The following SLC12A1 variants were observed in gnomAD, a reference collection of about 807,000 sequenced individuals.
The protein encoded by SLC12A1 is solute carrier family 12 member 1, also known as Na-K-2Cl cotransporter.
Under a neutral mutation model 130.4 loss-of-function variants are expected in SLC12A1, and 89 were observed. The observed-to-expected ratio is 0.68, with a 90% CI of 0.58 to 0.81. The LOEUF (loss-of-function observed/expected upper bound fraction) is 0.81. Among genes scored for constraint, SLC12A1 ranks in the 40% least tolerant of loss-of-function variants. The probability of loss-of-function intolerance (pLI) is 0.00; values close to 1 mark genes in which losing one functional copy is unlikely to be tolerated. For synonymous variants in SLC12A1, 499 were observed against 460.0 expected (o/e 1.08, Z -1.09); for missense variants, 1,310 against 1,336.4 (o/e 0.98, Z 0.31).
chr15:48,278,887 C>T (rs1425788236), intron 20 of SLC12A1, among the ~76,000 whole-genome samples: 3 of 152,168 alleles, frequency 2.0e-5, no homozygotes, highest in Non-Finnish European at 2.9e-5. Flanking sequence ...TAAAGCAATA[C>T]AGCAACCAAG....
At chr15:48,298,364 T>G (rs1367831088) in intron 24 of SLC12A1, among the ~76,000 whole-genome samples, 1 of 152,242 alleles carries the variant, frequency 6.6e-6, no homozygotes, top group Admixed American at 6.5e-5. Flanking sequence ...TTCTTATAAG[T>G]AATTTTTAAA....
intron 17 of SLC12A1, 141 bp from the exon 18 acceptor site, chr15:48,267,420 C>T (rs576613735): frequency 2.3e-6 from 2 of 855,366 alleles, no homozygotes; most frequent in African/African-American, 1.7e-5. Flanking sequence ...ATCTGTGGAA[C>T]CCTGTTCAGT....
At chr15:48,278,415 C>T (rs1427538708) in intron 20 of SLC12A1, among the ~76,000 whole-genome samples, 1 of 152,202 alleles carries the variant, frequency 6.6e-6, no homozygotes, top group Non-Finnish European at 1.5e-5. Flanking sequence ...GTCATTGGTA[C>T]AGCTGGGATT....
intron 9 of SLC12A1, chr15:48,237,010 A>G (rs1264608787): frequency 2.0e-5 from 14 of 702,536 alleles, no homozygotes; most frequent in Non-Finnish European, 5.2e-6. Context: ...AAGGAGCTTC[A>G]CCTCTCCCTC....
At chr15:48,301,649 T>A (rs2042235104) in intron 26 of SLC12A1, among the ~76,000 whole-genome samples, 1 of 151,974 alleles carries the variant, frequency 6.6e-6, no homozygotes, top group South Asian at 2.1e-4. Context: ...GCCCATCTAG[T>A]AAGACCATGC....
At chr15:48,258,637 C>A (rs555215419) in intron 16 of SLC12A1, among the ~76,000 whole-genome samples, 1 of 152,334 alleles carries the variant, frequency 6.6e-6, no homozygotes, top group East Asian at 1.9e-4. Flanking sequence ...CCTGTTATAT[C>A]CAGTTCCAAA....
intron 19 of SLC12A1, among the ~76,000 whole-genome samples, chr15:48,270,998 T>G (rs895873772): frequency 6.7e-6 from 1 of 149,376 alleles, no homozygotes; most frequent in Non-Finnish European, 1.5e-5. Flanking sequence ...CCGAGGCGGG[T>G]GGATTACCTG....
chr15:48,246,673 C>T (rs2041584553), intron 11 of SLC12A1, among the ~76,000 whole-genome samples: 1 of 151,992 alleles, frequency 6.6e-6, no homozygotes, highest in Non-Finnish European at 1.5e-5. Context: ...CCCAGCTACT[C>T]GGTAGGCTAA....
chr15:48,229,162 G>A (rs1218271561), intron 5 of SLC12A1, 27 bp from the exon 6 acceptor site: 2 of 1,571,790 alleles, frequency 1.3e-6, no homozygotes, highest in East Asian at 2.3e-5. Flanking sequence ...GTTCCTCAAT[G>A]TGAAGTATGT....
Position 48,247,026 on chromosome 15 carries a change from G to C in SLC12A1, c.1560+10G>C. ...ACCCAAAGTGTTCCAGGTAATACAA[G>C]CACAACAGCTTGTGCTTCTCCCTAT... is the stretch of plus-strand genomic sequence containing the variant. On this transcript the variant is annotated intron_variant, in intron 12 of 26. Coordinates refer to ENST00000380993, the MANE Select transcript of SLC12A1 (RefSeq NM_000338.3). The C allele has an allele frequency of 6.3e-7, 1 of 1,590,126 alleles. No individual in the cohort carries two copies. The highest frequency in any genetic ancestry group is 8.6e-7 in the Non-Finnish European group (1 of 1,158,148).
At chr15:48,222,601 T>G (rs2041230057) in intron 4 of SLC12A1, 2 of 152,136 alleles carry the variant, frequency 1.3e-5, no homozygotes, top group South Asian at 4.1e-4. Flanking sequence ...TCTTTTCGTT[T>G]CTTTTCTTTT....
rs749293268 is a variant in SLC12A1, at chr15:48,299,181, A to G, written c.3002A>G (p.His1001Arg). 8.1e-6 allele frequency: 13 copies of G among 1,608,016 alleles called. No homozygotes were observed. In the African/African-American group the frequency reaches 1.3e-4, roughly 17 times the overall value. Reference protein sequence around the residue: ...FEEMIEPYRLHESCKDLTTAE... With the variant: ...FEEMIEPYRLRESCKDLTTAE... ...GAGATGATTGAACCATATCGTCTCC[A>G]TGAAAGCTGCAAAGATTTAACAACT... The change falls in exon 25 of 27, where the codon CAT becomes CGT. Residue 1001 changes from histidine to arginine, a missense_variant. By Grantham distance (29) the His-to-Arg change is conservative. Coordinates refer to ENST00000380993, the MANE Select transcript of SLC12A1 (RefSeq NM_000338.3).
At chr15:48,274,775 C>A in intron 20 of SLC12A1, 122 bp downstream of exon 20, 1 of 618,460 alleles carries the variant, frequency 1.6e-6, no homozygotes, top group Non-Finnish European at 2.9e-6. Flanking sequence ...AGCTTACATT[C>A]TAGTGCTACT....
chr15:48,283,254 GA>G (rs1566855289), intron 20 of SLC12A1, among the ~76,000 whole-genome samples: 1 of 152,188 alleles, frequency 6.6e-6, no homozygotes, highest in Admixed American at 6.5e-5. Flanking sequence ...TGGGGGGTGG[GA>G]AAAGGAAAGG....
rs764852066 is a variant in SLC12A1 at position 48,246,894 on chromosome 15, A to G, written c.1453-15A>G. The G allele has an allele frequency of 2.5e-6, 4 of 1,581,920 alleles. No homozygotes were observed. The highest frequency in any genetic ancestry group is 1.3e-5 in the African/African-American group (1 of 74,400). On this transcript the variant is annotated splice_polypyrimidine_tract_variant and intron_variant, in intron 11 of 26. Transcript: ENST00000380993. Reference sequence around the variant, plus strand: ...AATCACAGAAAGTCTCCTTACTTGTACCTCTCTTCTCAAGGTCATGAGCAT... The same window carrying G: ...AATCACAGAAAGTCTCCTTACTTGTGCCTCTCTTCTCAAGGTCATGAGCAT...
intron 20 of SLC12A1, 92 bp downstream of exon 20, chr15:48,274,745 A>G: frequency 1.3e-6 from 1 of 773,362 alleles, no homozygotes; most frequent in African/African-American, 1.7e-5. Flanking sequence ...CACAATATAG[A>G]CAAAACTCCT....
intron 9 of SLC12A1, among the ~76,000 whole-genome samples, chr15:48,240,062 T>TCC (rs2141047387): frequency 9.5e-6 from 1 of 105,000 alleles, no homozygotes; most frequent in African/African-American, 5.2e-5. Flanking sequence ...TATATATATA[T>TCC]ATATATATCC....
intron 25 of SLC12A1, among the ~76,000 whole-genome samples, chr15:48,300,998 T>C (rs1472255615): frequency 6.6e-6 from 1 of 152,194 alleles, no homozygotes; most frequent in Non-Finnish European, 1.5e-5. Flanking sequence ...TGAGGCTCCT[T>C]GTAGTGTAGG....
chr15:48,236,544 A>G (rs1014964929), intron 9 of SLC12A1, among the ~76,000 whole-genome samples: 5 of 152,076 alleles, frequency 3.3e-5, no homozygotes, highest in African/African-American at 4.8e-5. Flanking sequence ...CTAGAATATA[A>G]CTCCATGAAA....
Sources: allele counts gnomAD v4.1 joint callset (sites outside exome capture counted in the v4.1 genomes callset), GRCh38; gene constraint gnomAD v4.1.1; transcripts MANE v1.5; gene names NCBI Gene and HGNC (gene_info 2026-07-23, HGNC 2026-07-21).